Variants in USPL1 observed in about 807,000 individuals in gnomAD.
USPL1 encodes the protein SUMO-specific isopeptidase USPL1.
A neutral mutation model predicts 51.5 loss-of-function variants in USPL1; 27 were observed. The ratio of observed to expected loss-of-function variants is 0.52; its 90% CI spans 0.39 to 0.72. The LOEUF is 0.72. Among genes scored for constraint, USPL1 ranks in the 30% least tolerant of loss-of-function variants. The probability of loss-of-function intolerance (pLI) is 0.00; values close to 1 mark genes in which losing one functional copy is unlikely to be tolerated. For missense variants in USPL1, 1,226 were observed against 1,268.0 expected (o/e 0.97, Z 0.50); for synonymous variants, 451 against 459.6 (o/e 0.98, Z 0.24).
chr13:30,629,441 C>T (rs1439505706), intron 3 of USPL1, among the ~76,000 whole-genome samples: 4 of 152,054 alleles, frequency 2.6e-5, no homozygotes, highest in East Asian at 1.9e-4. Context: ...GAGCTGGGAT[C>T]GTGCCACTAT....
At chr13:30,623,037 G>A (rs568818783) in intron 3 of USPL1, among the ~76,000 whole-genome samples, 2 of 152,232 alleles carry the variant, frequency 1.3e-5, no homozygotes, top group South Asian at 4.1e-4. Context: ...GTGTTTTTCT[G>A]TCAGGTGATA....
intron 4 of USPL1, among the ~76,000 whole-genome samples, chr13:30,636,932 T>G (rs1463222615): frequency 6.6e-6 from 1 of 152,156 alleles, no homozygotes; most frequent in Non-Finnish European, 1.5e-5. Flanking sequence ...AGCCAGATTT[T>G]TTGTTGTTGT....
chr13:30,624,700 T>C (rs1194671706), intron 3 of USPL1, among the ~76,000 whole-genome samples: 2 of 151,978 alleles, frequency 1.3e-5, no homozygotes, highest in African/African-American at 4.8e-5. Context: ...TACCAAAATA[T>C]CTCAAAAGAC....
At chr13:30,649,346 A>C (rs1443291523) in intron 7 of USPL1, among the ~76,000 whole-genome samples, 2 of 152,336 alleles carry the variant, frequency 1.3e-5, no homozygotes, top group East Asian at 3.9e-4. Flanking sequence ...TTTAGAAATA[A>C]ATTTAATATA....
chr13:30,658,269 C>T lies in USPL1; in HGVS notation c.2192C>T (p.Thr731Ile), dbSNP rs145348909. 3.8e-4 allele frequency: 608 copies of T among 1,613,436 alleles called. No homozygotes were observed. The highest frequency in any genetic ancestry group is 3.5e-4 in the Non-Finnish European group (414 of 1,179,946). ...TCTAATTTGAAGAAAAAAGAAACTA[C>T]AGCAGATTCTCAAACCACAACATCT... is the stretch of plus-strand genomic sequence containing the variant. ...QVSNLKKKET[T>I]ADSQTTTSKS... is the part of the protein sequence containing the mutation. The change falls in exon 9 of 9, where the codon ACA becomes ATA. Residue 731 changes from threonine (T) to isoleucine (I), a missense_variant. Physicochemically the swap from Thr to Ile is moderately conservative, Grantham distance 89. Coordinates refer to ENST00000255304, the MANE Select transcript of USPL1 (RefSeq NM_005800.5).
rs373535105 is a variant in USPL1 at position 30,646,740 on chromosome 13, T to G, written c.1113-192T>G. Among the ~76,000 whole-genome samples, 11 of 152,322 alleles carry G rather than the reference T, an allele frequency of 7.2e-5. No individual in the cohort carries two copies. The East Asian group carries it at 1.9e-3, about 27-fold the overall frequency. On this transcript the variant is annotated intron_variant, in intron 6 of 8. Coordinates refer to ENST00000255304, the MANE Select transcript of USPL1 (RefSeq NM_005800.5). ...TGCTTCATCTCATAGTTGAAAGATA[T>G]GGGAAATTAACATGGAGCATCTTCA...
At chr13:30,620,391 G>A (rs1490651072) in intron 1 of USPL1, among the ~76,000 whole-genome samples, 1 of 152,092 alleles carries the variant, frequency 6.6e-6, no homozygotes, top group Non-Finnish European at 1.5e-5. Flanking sequence ...ACTGAGCTCC[G>A]GTCTCTTGTA....
intron 6 of USPL1, among the ~76,000 whole-genome samples, chr13:30,643,958 C>T (rs1335336023): frequency 6.6e-6 from 1 of 151,758 alleles, no homozygotes; most frequent in Non-Finnish European, 1.5e-5. Context: ...TGAAGTCTCT[C>T]TAAGTTACTC....
chr13:30,651,816 G>A (rs1315643859), intron 7 of USPL1, among the ~76,000 whole-genome samples: 1 of 152,152 alleles, frequency 6.6e-6, no homozygotes, highest in Non-Finnish European at 1.5e-5. Context: ...GTAGTGTGTG[G>A]TATGGTGGCG....
chr13:30,659,725 G>T lies in USPL1; in HGVS notation c.*369G>T. 5.9e-6 allele frequency: 1 copy of T among 169,654 alleles called. No homozygotes were observed. The allele number at this position is 169,654 out of a possible 1,614,324, so 10.5% of individuals were successfully genotyped here. A position where few individuals can be genotyped will look rare whatever the true frequency, so the allele number is the denominator to read the frequency against. On this transcript the variant is annotated 3_prime_UTR_variant, in exon 9 of 9. Transcript: ENST00000255304. ...ATCTTTGTGGTGGTTTTCTTCCCCT[G>T]GAAACCTGTTGCTCGTGGCGCTTTG... is the stretch of plus-strand genomic sequence containing the variant.
At chr13:30,639,133 T>G (rs1018447785) in intron 5 of USPL1, among the ~76,000 whole-genome samples, 3 of 151,364 alleles carry the variant, frequency 2.0e-5, no homozygotes, top group African/African-American at 7.3e-5. Flanking sequence ...GGAGAATCGC[T>G]TGAACTTGGG....
intron 3 of USPL1, among the ~76,000 whole-genome samples, chr13:30,626,313 A>AAAAT (rs57602031): frequency 0.028 from 4,118 of 149,256 alleles, 66 homozygotes; most frequent in Non-Finnish European, 0.03. Flanking sequence ...ACTCTATCTC[A>AAAAT]AAATAAATAA....
intron 5 of USPL1, among the ~76,000 whole-genome samples, chr13:30,639,936 G>A (rs1192377191): frequency 2.6e-5 from 4 of 152,008 alleles, no homozygotes; most frequent in East Asian, 1.9e-4. Flanking sequence ...CTCCACCTCC[G>A]CCATGGGCCT....
chr13:30,639,919 T>A (rs1361728147), intron 5 of USPL1, among the ~76,000 whole-genome samples: 1 of 152,222 alleles, frequency 6.6e-6, no homozygotes, highest in East Asian at 1.9e-4. Context: ...CAAAGTTACA[T>A]CTTTTGCTCC....
rs1199643328 is a variant in USPL1 at position 30,657,838 on chromosome 13, A to G, written c.1761A>G (p.Thr587=). ...KGLVDNILPL[T]LEETIQKTAS... ...TGGTTGACAATATTTTACCTCTGAC[A>G]CTTGAAGAAACTATCCAGAAAACAG... Residue 587 remains threonine, a synonymous_variant, in exon 9 of 9, where the codon ACA becomes ACG. Transcript: ENST00000255304. 6.2e-7 allele frequency: 1 copy of G among 1,614,044 alleles called. No individual in the cohort carries two copies. Among genetic ancestry groups the G allele is most frequent in the Non-Finnish European group, 8.5e-7 (1 of 1,180,034 alleles).
At chr13:30,642,882 A>G in intron 6 of USPL1, 125 bp downstream of exon 6, 1 of 1,115,214 alleles carries the variant, frequency 9.0e-7, no homozygotes, top group Non-Finnish European at 1.3e-6. Context: ...TCAAAACCTC[A>G]TCGTTTGATA....
At chr13:30,646,114 C>T (rs901791740) in intron 6 of USPL1, among the ~76,000 whole-genome samples, 1 of 152,202 alleles carries the variant, frequency 6.6e-6, no homozygotes, top group Non-Finnish European at 1.5e-5. Flanking sequence ...GACAGTGCTT[C>T]CTCACAAGAT....
chr13:30,647,143 A>G, intron 7 of USPL1, 86 bp downstream of exon 7: 2 of 1,385,246 alleles, frequency 1.4e-6, no homozygotes, highest in Non-Finnish European at 2.0e-6. Flanking sequence ...AAATGGTGAC[A>G]ACAACTTACC....
intron 6 of USPL1, among the ~76,000 whole-genome samples, chr13:30,644,451 C>G (rs1432825474): frequency 6.6e-6 from 1 of 151,284 alleles, no homozygotes; most frequent in Non-Finnish European, 1.5e-5. Context: ...TCTACTAGAA[C>G]AGGGTAAGGG....
Sources: allele counts gnomAD v4.1 joint callset (sites outside exome capture counted in the v4.1 genomes callset), GRCh38; gene constraint gnomAD v4.1.1; transcripts MANE v1.5; gene names NCBI Gene and HGNC (gene_info 2026-07-23, HGNC 2026-07-21).